STMN2: variants seen among roughly 807,000 people sequenced by gnomAD.
STMN2 encodes stathmin 2, also known as stathmin-2.
In STMN2, 2 loss-of-function variants were observed where a neutral mutation model predicts 24.1. The observed-to-expected ratio is 0.08, with a 90% confidence interval of 0.03 to 0.26. The LOEUF (loss-of-function observed/expected upper bound fraction) is 0.26, where lower values mean the gene tolerates loss of function less well. Among genes scored for constraint, STMN2 ranks in the 10% least tolerant of loss-of-function variants. The pLI, the probability that STMN2 is intolerant of heterozygous loss-of-function variation, is 1.00. For synonymous variants in STMN2, 83 were observed against 77.5 expected, an observed-to-expected ratio of 1.07 and a Z score of -0.37; for missense variants, 114 against 213.6, an observed-to-expected ratio of 0.53 and a Z score of 2.91.
At chr8:79,655,755 C>T (rs1237332692) in intron 4 of STMN2, among the ~76,000 whole-genome samples, 1 of 152,204 alleles carries the variant, frequency 6.6e-6, no homozygotes, top group African/African-American at 2.4e-5. Context: ...CACCTATCCC[C>T]TCAAAAAACC....
At chr8:79,648,446 T>C (rs1417121352) in intron 3 of STMN2, among the ~76,000 whole-genome samples, 1 of 145,878 alleles carries the variant, frequency 6.9e-6, no homozygotes, top group Non-Finnish European at 1.5e-5. Context: ...CCATACAATA[T>C]ACGTTGCTTT....
intron 4 of STMN2, among the ~76,000 whole-genome samples, chr8:79,655,957 T>G (rs1292615272): frequency 2.0e-5 from 3 of 152,014 alleles, no homozygotes; most frequent in East Asian, 1.9e-4. Context: ...AAAACAGGAG[T>G]GTGCCTGTCA....
At position 79,626,195 on chromosome 8, in the gene STMN2, T is replaced by C. The variant is rs1809650888; in HGVS notation, c.20-10607T>C. Among the ~76,000 whole-genome samples, 6 of 152,288 alleles carry C rather than the reference T, an allele frequency of 3.9e-5. No individual in the cohort carries two copies. The South Asian group carries it at 1.0e-3, about 26-fold the overall frequency. ...GAGCTCAAATCTTCAGTTTCTATCA[T>C]ATTCTTGCCCTTACCCTGGGGTAGC... On this transcript the variant is annotated intron_variant, in intron 1 of 4. Transcript: ENST00000220876.
At chr8:79,623,113 G>C (rs1345133997) in intron 1 of STMN2, among the ~76,000 whole-genome samples, 1 of 152,120 alleles carries the variant, frequency 6.6e-6, no homozygotes, top group Non-Finnish European at 1.5e-5. Flanking sequence ...CCACCCATTA[G>C]TGGATAAGCA....
At chr8:79,624,453 C>CAAAAAAAAAAAAAAAAAAAA (rs1011493193) in intron 1 of STMN2, among the ~76,000 whole-genome samples, 8 of 45,124 alleles carry the variant, frequency 1.8e-4, no homozygotes, top group Non-Finnish European at 2.7e-4. Flanking sequence ...GACTCCGTCT[C>CAAAAAAAAAAAAAAAAAAAA]AAAAAAAAAA....
chr8:79,642,746 A>C (rs1772407518), intron 3 of STMN2, among the ~76,000 whole-genome samples: 2 of 151,898 alleles, frequency 1.3e-5, no homozygotes, highest in South Asian at 4.1e-4. Flanking sequence ...AGAAATCCTT[A>C]GATTAAATTT....
chr8:79,614,502 G>A (rs1212591038), intron 1 of STMN2, among the ~76,000 whole-genome samples: 1 of 152,240 alleles, frequency 6.6e-6, no homozygotes, highest in Non-Finnish European at 1.5e-5. Context: ...TATACCAGGT[G>A]AGTAAGCTGA....
At chr8:79,630,645 A>G (rs927715024) in intron 1 of STMN2, among the ~76,000 whole-genome samples, 1 of 152,220 alleles carries the variant, frequency 6.6e-6, no homozygotes, top group African/African-American at 2.4e-5. Flanking sequence ...AATTGAAATC[A>G]CTTGGGTGCT....
At chr8:79,613,367 G>T (rs1809294522) in intron 1 of STMN2, 1 of 985,094 alleles carries the variant, frequency 1.0e-6, no homozygotes, top group African/African-American at 1.7e-5. Flanking sequence ...CCCGCGCCGC[G>T]CCCTGCGCTC....
chr8:79,613,724 C>A (rs1809308609), intron 1 of STMN2: 1 of 985,284 alleles, frequency 1.0e-6, no homozygotes, highest in African/African-American at 1.7e-5. Flanking sequence ...GCTTTGCTTC[C>A]TCCTAATTGC....
intron 1 of STMN2, among the ~76,000 whole-genome samples, chr8:79,636,329 T>C (rs1809954321): frequency 1.3e-5 from 2 of 152,196 alleles, no homozygotes; most frequent in Non-Finnish European, 2.9e-5. Flanking sequence ...ATAACTATCC[T>C]GATGAGTTAT....
intron 1 of STMN2, among the ~76,000 whole-genome samples, chr8:79,626,098 C>A (rs1363242911): frequency 6.6e-6 from 1 of 152,080 alleles, no homozygotes; most frequent in Non-Finnish European, 1.5e-5. Context: ...CACCCTATCC[C>A]CATTTTGTGG....
At chr8:79,612,951 C>A (rs1011673739) in intron 1 of STMN2, among the ~76,000 whole-genome samples, 1 of 152,146 alleles carries the variant, frequency 6.6e-6, no homozygotes, top group African/African-American at 2.4e-5. Context: ...TGGCTCTCAG[C>A]CCCAGCACCG....
intron 1 of STMN2, among the ~76,000 whole-genome samples, chr8:79,633,550 G>A (rs767546268): frequency 2.6e-5 from 4 of 152,172 alleles, no homozygotes; most frequent in African/African-American, 7.2e-5. Flanking sequence ...AGATCAGGCC[G>A]CCAGAATGAT....
At chr8:79,623,476 G>T (rs7841481) in intron 1 of STMN2, among the ~76,000 whole-genome samples, 13,827 of 152,052 alleles carry the variant, frequency 0.091, 687 homozygotes, top group East Asian at 0.21. Flanking sequence ...GTAAATGTGT[G>T]GTACATAAAT....
At chr8:79,641,273 T>C in intron 2 of STMN2, 105 bp from the exon 3 acceptor site, 1 of 1,231,678 alleles carries the variant, frequency 8.1e-7, no homozygotes. Context: ...TATTCCTATC[T>C]CCCGGAATAA....
chr8:79,624,479 G>GAAAAA (rs1411947488), intron 1 of STMN2, among the ~76,000 whole-genome samples: 3,955 of 102,084 alleles, frequency 0.039, 100 homozygotes, highest in Middle Eastern at 0.1. Context: ...AAAAAAAAAA[G>GAAAAA]AAAGAAAGAA....
Position 79,636,824 on chromosome 8 carries a change from G to A in STMN2, c.42G>A (p.Glu14=), listed in dbSNP as rs771291656. 1 of 1,613,754 alleles carries A rather than the reference G, an allele frequency of 6.2e-7. No individual in the cohort carries two copies. Among genetic ancestry groups the A allele is most frequent in the Admixed American group, 1.7e-5 (1 of 59,986 alleles). ...TAMAYKEKMK[E]LSMLSLICSC... ...CAGCCTACAAGGAAAAAATGAAGGA[G>A]CTGTCCATGCTGTCACTGATCTGCT... The change falls in exon 2 of 5, where the codon GAG becomes GAA. Residue 14 remains glutamate, a synonymous_variant. Transcript: ENST00000220876.
chr8:79,638,490 C>T (rs371437186), intron 2 of STMN2, among the ~76,000 whole-genome samples: 61 of 152,044 alleles, frequency 4.0e-4, no homozygotes, highest in East Asian at 5.8e-4. Context: ...TAAAAGAGTC[C>T]GTAGAGAATT....
Sources: gnomAD v4.1 joint callset for allele counts (sites outside exome capture counted in the v4.1 genomes callset) on GRCh38, gnomAD v4.1.1 for gene constraint, MANE v1.5 for transcripts, NCBI Gene and HGNC (gene_info 2026-07-23, HGNC 2026-07-21) for gene names.